Variants in NECTIN1 observed in about 807,000 individuals in gnomAD.
NECTIN1 encodes the protein nectin cell adhesion molecule 1.
Under a neutral mutation model 48.0 loss-of-function variants are expected in NECTIN1, and 23 were observed. That is an observed-to-expected ratio of 0.48 (90% CI 0.34 to 0.68). NECTIN1 has a LOEUF of 0.68. Among genes scored for constraint, NECTIN1 ranks in the 30% least tolerant of loss-of-function variants. NECTIN1 has a pLI of 0.01. For synonymous variants in NECTIN1, 270 were observed against 288.9 expected (o/e 0.93, Z 0.66); for missense variants, 591 against 709.9 (o/e 0.83, Z 1.90).
chr11:119,713,799 C>A, intron 1 of NECTIN1: 1 of 454,800 alleles, frequency 2.2e-6, no homozygotes, highest in Non-Finnish European at 4.4e-6. Flanking sequence ...CAGCTCCTAT[C>A]TCTCCTGGGT....
Position 119,678,096 on chromosome 11 carries a change from A to G in NECTIN1, c.431-239T>C, listed in dbSNP as rs1864992156. ...CTGTCATCGAGCTTAGGCCTCCTGG[A>G]GTCCCAGCATGTCTAAGGCAAGCAG... On this transcript the variant is annotated intron_variant, in intron 2 of 5. Transcript: ENST00000264025. This position sits in a 1 kb window ranked among gnomAD's most constrained non-coding sequence, Gnocchi z 4.4. Among the ~76,000 whole-genome samples the G allele has an allele frequency of 6.6e-6, 1 of 152,190 alleles. No homozygotes were observed. The highest frequency in any genetic ancestry group is 2.1e-4 in the South Asian group (1 of 4,830).
intron 1 of NECTIN1, among the ~76,000 whole-genome samples, chr11:119,691,060 A>G (rs1272430318): frequency 6.6e-6 from 1 of 152,002 alleles, no homozygotes; most frequent in Admixed American, 6.6e-5. Flanking sequence ...GAGCTGGAAT[A>G]CCCCAACTCA....
At chr11:119,676,951 GGGTT>G (rs778694007) in intron 4 of NECTIN1, 147 bp downstream of exon 4, 17 of 705,250 alleles carry the variant, frequency 2.4e-5, no homozygotes, top group Non-Finnish European at 3.9e-5. Context: ...TTGGGGGTGG[GGGTT>G]GTTCTCTCAT....
At chr11:119,716,654 C>A (rs540427748) in intron 1 of NECTIN1, among the ~76,000 whole-genome samples, 6 of 152,208 alleles carry the variant, frequency 3.9e-5, no homozygotes, top group Admixed American at 1.3e-4. Context: ...TGACCTTCGC[C>A]GGTTCTCTAA....
chr11:119,671,791 G>T (rs1289918269), intron 5 of NECTIN1, among the ~76,000 whole-genome samples: 3 of 152,190 alleles, frequency 2.0e-5, no homozygotes, highest in African/African-American at 7.2e-5. Flanking sequence ...ATCAGGCAGG[G>T]CCTCGGCAAG....
chr11:119,709,786 G>C lies in NECTIN1; in HGVS notation c.79+18689C>G, dbSNP rs907963478. ...GACGAGGCGGAGCGGGTTTGAGGGG[G>C]AGGACCTAGCTGGTTTTTCCCAGCA... On this transcript the variant is annotated intron_variant, in intron 1 of 5. Transcript: ENST00000264025. This position sits in a 1 kb window ranked among gnomAD's most constrained non-coding sequence, Gnocchi z 4.1. 1 of 152,204 alleles carries C rather than the reference G, an allele frequency of 6.6e-6. No individual in the cohort carries two copies. The highest frequency in any genetic ancestry group is 2.4e-5 in the African/African-American group (1 of 41,402). The allele number at this position is 152,204 out of a possible 1,614,324, so 9.4% of individuals were successfully genotyped here.
At chr11:119,649,387 AAAAAG>A (rs1004408099) in intron 5 of NECTIN1, among the ~76,000 whole-genome samples, 3 of 151,598 alleles carry the variant, frequency 2.0e-5, no homozygotes, top group African/African-American at 7.3e-5. Context: ...CTCAAAAAAA[AAAAAG>A]AAAAAGAAAA....
At chr11:119,690,863 C>A (rs532668959) in intron 1 of NECTIN1, among the ~76,000 whole-genome samples, 3 of 152,308 alleles carry the variant, frequency 2.0e-5, no homozygotes, top group African/African-American at 7.2e-5. Flanking sequence ...GCAGAAGCCA[C>A]TCACTTTTCA....
chr11:119,683,938 CCT>C lies in NECTIN1; in HGVS notation c.80-5175_80-5174del, dbSNP rs1214299405. Among the ~76,000 whole-genome samples the C allele has an allele frequency of 6.6e-6, 1 of 152,100 alleles. No homozygotes were observed. Among genetic ancestry groups the C allele is most frequent in the Non-Finnish European group, 1.5e-5 (1 of 68,016 alleles). On this transcript the variant is annotated intron_variant, in intron 1 of 5. Transcript: ENST00000264025. The surrounding 1 kb of genome is among the most constrained non-coding windows in gnomAD (Gnocchi z 4.0). ...AGCATGACGGGCCTCAGGCCGGCCCCCTGAGACGTCACAGACCTGCAAACGCC... is the reference window on the plus strand; with the variant it reads ...AGCATGACGGGCCTCAGGCCGGCCCCGAGACGTCACAGACCTGCAAACGCC...
chr11:119,726,985 C>T (rs1865918015), intron 1 of NECTIN1, among the ~76,000 whole-genome samples: 1 of 152,140 alleles, frequency 6.6e-6, no homozygotes. Context: ...GCAGGGTGGG[C>T]AGTGACACCT....
rs578119034 is a variant in NECTIN1, at chr11:119,647,044, C to T, written c.1004-7032G>A. 5.3e-5 allele frequency among the ~76,000 whole-genome samples: 8 copies of T among 152,298 alleles called. No individual in the cohort carries two copies. In the East Asian group the frequency reaches 1.5e-3, roughly 29 times the overall value. On this transcript the variant is annotated intron_variant, in intron 5 of 7. Transcript: ENST00000341398. ...GATCTCATCCTGCCTGTTGGCCTTT[C>T]TCGTGCTGGCTCTCAGCTTTCCTTA...
intron 1 of NECTIN1, among the ~76,000 whole-genome samples, chr11:119,695,357 C>T (rs1865325437): frequency 6.6e-6 from 1 of 151,942 alleles, no homozygotes; most frequent in Non-Finnish European, 1.5e-5. Flanking sequence ...CCTACCCACC[C>T]TTCAACACTC....
intron 5 of NECTIN1, chr11:119,642,901 C>CA (rs1864347353): frequency 6.5e-6 from 1 of 153,612 alleles, no homozygotes; most frequent in Non-Finnish European, 1.5e-5. Context: ...TCTCCATTTT[C>CA]TTTTTTTCTG....
intron 1 of NECTIN1, among the ~76,000 whole-genome samples, chr11:119,723,031 C>CA (rs1865858375): frequency 6.6e-6 from 1 of 152,050 alleles, no homozygotes; most frequent in Non-Finnish European, 1.5e-5. Flanking sequence ...TCCTGGCTAA[C>CA]AGGGTGAAAC....
intron 4 of NECTIN1, chr11:119,676,792 T>G: frequency 4.8e-6 from 2 of 415,740 alleles, no homozygotes; most frequent in East Asian, 5.2e-5. Context: ...GGGGTGGGAG[T>G]GACTCAGACT....
Position 119,663,598 on chromosome 11 carries a change from G to GCAGA in NECTIN1, c.*1148_*1149insTCTG, listed in dbSNP as rs1864707131. 1 of 985,470 alleles carries GCAGA rather than the reference G, an allele frequency of 1.0e-6. No homozygotes were observed. Among genetic ancestry groups the GCAGA allele is most frequent in the Admixed American group, 6.2e-5 (1 of 16,260 alleles). The allele number at this position is 985,470 out of a possible 1,614,324, so 61.0% of individuals were successfully genotyped here. A position where few individuals can be genotyped will look rare whatever the true frequency, so the allele number is the denominator to read the frequency against. On this transcript the variant is annotated 3_prime_UTR_variant, in exon 6 of 6. Transcript: ENST00000264025. ...GTGTTTGCAGAGCTTCTGCCATGTG[G>GCAGA]GCTTCCTTCCCCACTACCCTCCGTG...
chr11:119,672,233 G>A lies in NECTIN1; in HGVS notation c.1003+2926C>T, dbSNP rs1395297582. The stretch of plus-strand genomic sequence containing the variant: ...TCCCTGTCCTGCTCTTGGGAGTGGC[G>A]AGAGGCTGGGTCCCAGCTGGAGAGG... On this transcript the variant is annotated intron_variant, in intron 5 of 5. Transcript: ENST00000264025. This position sits in a 1 kb window ranked among gnomAD's most constrained non-coding sequence, Gnocchi z 4.3. Among the ~76,000 whole-genome samples the A allele has an allele frequency of 2.0e-5, 3 of 152,148 alleles. No homozygotes were observed. Among genetic ancestry groups the A allele is most frequent in the East Asian group, 1.9e-4 (1 of 5,168 alleles).
intron 1 of NECTIN1, among the ~76,000 whole-genome samples, chr11:119,694,301 C>T (rs1181280188): frequency 6.6e-6 from 1 of 152,160 alleles, no homozygotes; most frequent in African/African-American, 2.4e-5. Flanking sequence ...CTCCGTGGCT[C>T]GGCTGGCTCA....
downstream of NECTIN1, among the ~76,000 whole-genome samples, chr11:119,657,034 C>T (rs1421463820): frequency 2.6e-5 from 4 of 152,200 alleles, no homozygotes; most frequent in Non-Finnish European, 4.4e-5. Context: ...CCATCCTGCC[C>T]CCTACTTGCC....
Sources: allele counts gnomAD v4.1 joint callset (sites outside exome capture counted in the v4.1 genomes callset), GRCh38; gene constraint gnomAD v4.1.1; non-coding constraint Gnocchi (gnomAD v3.1); transcripts MANE v1.5; gene names NCBI Gene and HGNC (gene_info 2026-07-23, HGNC 2026-07-21).